Variants in CNBD1 observed in about 807,000 individuals in gnomAD.
The protein encoded by CNBD1 is cyclic nucleotide binding domain containing 1, also known as cyclic nucleotide-binding domain-containing protein 1.
In CNBD1, 71 loss-of-function variants were observed where a neutral mutation model predicts 54.4. That is an observed-to-expected ratio of 1.30 (90% CI 1.08 to 1.59). The LOEUF is 1.59. CNBD1 is among the 40% of genes most tolerant of loss of function. The pLI is 0.00. For synonymous variants in CNBD1, 182 were observed against 170.7 expected, an observed-to-expected ratio of 1.07 and a Z score of -0.51; for missense variants, 659 against 518.0, an observed-to-expected ratio of 1.27 and a Z score of -2.64.
chr8:86,901,521 T>C (rs1808932261), intron 2 of CNBD1, among the ~76,000 whole-genome samples: 1 of 152,186 alleles, frequency 6.6e-6, no homozygotes. Context: ...GAAGAAATAT[T>C]GTATTAGGGT....
At chr8:87,316,938 T>C (rs935133873) in intron 8 of CNBD1, among the ~76,000 whole-genome samples, 1 of 151,748 alleles carries the variant, frequency 6.6e-6, no homozygotes, top group African/African-American at 2.4e-5. Flanking sequence ...ACTTAAGAAG[T>C]CACAAGTACT....
chr8:87,060,050 C>G (rs77730042), intron 4 of CNBD1, among the ~76,000 whole-genome samples: 2,428 of 152,284 alleles, frequency 0.016, 63 homozygotes, highest in African/African-American at 0.054. Flanking sequence ...AAGAATAGTT[C>G]CTGGGAAGTT....
At chr8:86,981,428 A>C (rs1358143768) in intron 4 of CNBD1, among the ~76,000 whole-genome samples, 2 of 152,150 alleles carry the variant, frequency 1.3e-5, no homozygotes, top group African/African-American at 4.8e-5. Context: ...CTTATTACCC[A>C]GATTCTGGTC....
In CNBD1 at chr8:87,276,014, G is replaced by A. The variant is rs548723575; in HGVS notation, c.772-8664G>A. On this transcript the variant is annotated intron_variant, in intron 6 of 10. Coordinates refer to ENST00000518476, the MANE Select transcript of CNBD1 (RefSeq NM_173538.3). ...AAACCTAGGAATCCACCTTACAAGGGACCTGAAGGACAAATAAATTTTAAA... is the reference window on the plus strand; with the variant it reads ...AAACCTAGGAATCCACCTTACAAGGAACCTGAAGGACAAATAAATTTTAAA... 2.7e-3 allele frequency among the ~76,000 whole-genome samples: 415 copies of A among 151,946 alleles called. 2 individuals are homozygous for A. The highest frequency in any genetic ancestry group is 4.3e-3 in the Non-Finnish European group (292 of 67,918).
rs1022463949 is a variant in CNBD1, at chr8:87,165,920, A to G, written c.432-40073A>G. On this transcript the variant is annotated intron_variant, in intron 4 of 10. Coordinates refer to ENST00000518476, the MANE Select transcript of CNBD1 (RefSeq NM_173538.3). ...TATGTCCTAAATATATCTCTCTAGAAGTAAAATTTCAAAGTCAGAGGATAT... is the reference window on the plus strand; with the variant it reads ...TATGTCCTAAATATATCTCTCTAGAGGTAAAATTTCAAAGTCAGAGGATAT... Among the ~76,000 whole-genome samples, 3 of 151,986 alleles carry G rather than the reference A, an allele frequency of 2.0e-5. No homozygotes were observed. In the South Asian group the frequency reaches 6.2e-4, roughly 31 times the overall value.
At chr8:87,207,227 G>A (rs989654299) in intron 5 of CNBD1, among the ~76,000 whole-genome samples, 1 of 151,986 alleles carries the variant, frequency 6.6e-6, no homozygotes, top group Non-Finnish European at 1.5e-5. Context: ...ATAAATCACT[G>A]AAAACATATT....
chr8:87,217,651 G>A (rs1814241647), intron 5 of CNBD1, among the ~76,000 whole-genome samples: 1 of 150,470 alleles, frequency 6.6e-6, no homozygotes, highest in Admixed American at 6.6e-5. Context: ...TCACTGGAGA[G>A]AAAAAAGTTT....
At chr8:87,240,404 T>A (rs974234072) in intron 6 of CNBD1, among the ~76,000 whole-genome samples, 1 of 152,130 alleles carries the variant, frequency 6.6e-6, no homozygotes, top group Non-Finnish European at 1.5e-5. Context: ...GTAATTTTTT[T>A]TTACACCAAA....
chr8:87,280,124 G>C (rs1808566500), intron 6 of CNBD1, among the ~76,000 whole-genome samples: 1 of 151,502 alleles, frequency 6.6e-6, no homozygotes, highest in Non-Finnish European at 1.5e-5. Context: ...CATTCAGTTA[G>C]TTCCAACTTT....
In CNBD1 at chr8:87,282,625, G is replaced by A. The variant is rs149605330; in HGVS notation, c.772-2053G>A. On this transcript the variant is annotated intron_variant, in intron 6 of 10. Transcript: ENST00000518476. Reference sequence around the variant, plus strand: ...AACTAAAATAATTGGTGTGTAAGGCGTATTGGAAGTTTTATAATTTCCTAA... The same window carrying A: ...AACTAAAATAATTGGTGTGTAAGGCATATTGGAAGTTTTATAATTTCCTAA... 9.6e-4 allele frequency among the ~76,000 whole-genome samples: 146 copies of A among 151,902 alleles called. 2 individuals are homozygous for A. Among genetic ancestry groups the A allele is most frequent in the African/African-American group, 3.2e-3 (131 of 41,512 alleles).
chr8:87,040,116 C>T (rs1206658791), intron 4 of CNBD1, among the ~76,000 whole-genome samples: 1 of 152,214 alleles, frequency 6.6e-6, no homozygotes, highest in African/African-American at 2.4e-5. Context: ...GACTCCTAAA[C>T]CATAATCTCT....
downstream of CNBD1, among the ~76,000 whole-genome samples, chr8:87,386,337 C>A (rs993662316): frequency 3.3e-5 from 5 of 151,896 alleles, no homozygotes; most frequent in Admixed American, 6.6e-5. Context: ...GAAGTTCGAA[C>A]CCATGGCAAA....
At chr8:86,949,053 T>C (rs1198308839) in intron 4 of CNBD1, among the ~76,000 whole-genome samples, 3 of 152,190 alleles carry the variant, frequency 2.0e-5, no homozygotes, top group Non-Finnish European at 4.4e-5. Flanking sequence ...AAAAATGAGC[T>C]CACTGTATAT....
At chr8:87,120,129 T>C (rs1413547083) in intron 4 of CNBD1, among the ~76,000 whole-genome samples, 1 of 152,098 alleles carries the variant, frequency 6.6e-6, no homozygotes, top group Non-Finnish European at 1.5e-5. Context: ...TTTTGATAAT[T>C]TTAAAATAGT....
intron 8 of CNBD1, among the ~76,000 whole-genome samples, chr8:87,302,403 A>G (rs887224455): frequency 6.6e-6 from 1 of 152,058 alleles, no homozygotes. Flanking sequence ...GATTATCTCA[A>G]TAGATGCAGA....
At chr8:87,290,521 C>T (rs1454394641) in intron 8 of CNBD1, among the ~76,000 whole-genome samples, 2 of 152,264 alleles carry the variant, frequency 1.3e-5, no homozygotes, top group Middle Eastern at 3.4e-3. Flanking sequence ...ATATGCATTT[C>T]TCCTACCTTT....
chr8:87,262,150 T>A (rs2130849752), intron 6 of CNBD1, among the ~76,000 whole-genome samples: 1 of 152,232 alleles, frequency 6.6e-6, no homozygotes, highest in Admixed American at 6.6e-5. Context: ...TGAGACCCTG[T>A]CTAAAACACA....
chr8:87,324,692 CT>C (rs1400564703), intron 8 of CNBD1, among the ~76,000 whole-genome samples: 1 of 151,790 alleles, frequency 6.6e-6, no homozygotes, highest in Non-Finnish European at 1.5e-5. Flanking sequence ...ATTCTTCTCT[CT>C]TTTTTTCTTA....
intron 4 of CNBD1, among the ~76,000 whole-genome samples, chr8:87,086,902 A>G (rs1742241219): frequency 1.3e-5 from 2 of 152,142 alleles, no homozygotes; most frequent in Non-Finnish European, 2.9e-5. Context: ...CAGAAAATCC[A>G]ACTTAAACTA....
Sources: gnomAD v4.1 joint callset for allele counts (sites outside exome capture counted in the v4.1 genomes callset) on GRCh38, gnomAD v4.1.1 for gene constraint, MANE v1.5 for transcripts, NCBI Gene and HGNC (gene_info 2026-07-23, HGNC 2026-07-21) for gene names.